The following PCDH9 variants were observed in gnomAD, a reference collection of about 807,000 sequenced individuals.
PCDH9 encodes protocadherin 9.
A neutral mutation model predicts 70.6 loss-of-function variants in PCDH9; 24 were observed. The observed-to-expected ratio is 0.34, with a 90% confidence interval of 0.25 to 0.48. PCDH9 has a LOEUF of 0.48. Ranked by LOEUF, PCDH9 falls within the 20% of genes least tolerant of loss-of-function variation. The pLI is 0.99. For synonymous variants in PCDH9, 562 were observed against 558.5 expected, an observed-to-expected ratio of 1.01 and a Z score of -0.09; for missense variants, 1,281 against 1,503.6, an observed-to-expected ratio of 0.85 and a Z score of 2.45.
intron 3 of PCDH9, among the ~76,000 whole-genome samples, chr13:66,721,354 T>C (rs1342377555): frequency 6.6e-6 from 1 of 152,196 alleles, no homozygotes; most frequent in Non-Finnish European, 1.5e-5. Flanking sequence ...AGCATGGACT[T>C]CATAATGTAC....
At chr13:66,658,992 G>C (rs189992460) in intron 3 of PCDH9, among the ~76,000 whole-genome samples, 2 of 152,182 alleles carry the variant, frequency 1.3e-5, no homozygotes, top group East Asian at 3.9e-4. Flanking sequence ...GTCATATTTT[G>C]TAAGTACAAT....
At position 66,745,030 on chromosome 13, in the gene PCDH9, T is replaced by C. The variant is rs1416710223; in HGVS notation, c.3139-113619A>G. On this transcript the variant is annotated intron_variant, in intron 3 of 4. Coordinates refer to ENST00000377865, the MANE Select transcript of PCDH9 (RefSeq NM_203487.3). ...GGATTCAAATTCAGTCTCCGTAACG[T>C]AGCTATATAAACTTAGCAATTTACT... Among the ~76,000 whole-genome samples, 6 of 152,292 alleles carry C rather than the reference T, an allele frequency of 3.9e-5. No individual in the cohort carries two copies. In the East Asian group the frequency reaches 1.2e-3, roughly 29 times the overall value.
At chr13:66,423,911 G>T (rs568207538) in intron 4 of PCDH9, among the ~76,000 whole-genome samples, 1 of 152,224 alleles carries the variant, frequency 6.6e-6, no homozygotes, top group South Asian at 2.1e-4. Flanking sequence ...TGATATGATT[G>T]TATATTTAGA....
At chr13:67,090,210 A>T (rs992236665) in intron 2 of PCDH9, among the ~76,000 whole-genome samples, 1 of 152,030 alleles carries the variant, frequency 6.6e-6, no homozygotes, top group African/African-American at 2.4e-5. Flanking sequence ...TTTCTCAAAT[A>T]TTAATATGTA....
At chr13:66,842,877 T>C (rs1341605693) in intron 3 of PCDH9, among the ~76,000 whole-genome samples, 2 of 152,130 alleles carry the variant, frequency 1.3e-5, no homozygotes, top group Non-Finnish European at 2.9e-5. Context: ...CTCAGATATA[T>C]AGGAAGGAAT....
intron 3 of PCDH9, among the ~76,000 whole-genome samples, chr13:66,838,664 A>G (rs920952260): frequency 4.6e-5 from 7 of 152,128 alleles, no homozygotes; most frequent in Non-Finnish European, 8.8e-5. Flanking sequence ...GCATTTTAAT[A>G]TTACAGTCGA....
chr13:66,928,313 A>G lies in PCDH9; in HGVS notation c.3037-24708T>C, dbSNP rs117443625. ...GGGTCATGATGATGAAGATGGTACT[A>G]ACTTCTAGCATGTATTTAGCACAAG... On this transcript the variant is annotated intron_variant, in intron 2 of 4. Coordinates refer to ENST00000377865, the MANE Select transcript of PCDH9 (RefSeq NM_203487.3). 7.5e-3 allele frequency among the ~76,000 whole-genome samples: 1,146 copies of G among 152,194 alleles called. 15 individuals are homozygous for G. Among genetic ancestry groups the G allele is most frequent in the Non-Finnish European group, 8.9e-3 (604 of 68,000 alleles).
rs1422992212 is a variant in PCDH9 at position 66,304,806 on chromosome 13, T to C, written c.3563A>G (p.Asn1188Ser). ...TLTRAWKEDS[N>S]RNQFNDRKQY... ...CTTACGGTCATTGAACTGGTTCCTG[T>C]TGCTGTCTTCTTTCCAGGCTCTGGT... is the stretch of plus-strand genomic sequence containing the variant. The change falls in exon 5 of 5, where the codon AAC (asparagine) becomes AGC (serine). Residue 1188 changes from asparagine (N) to serine (S), a missense_variant. This residue lies in a region of PCDH9 where 264 missense variants were observed against 278.8 expected (regional missense o/e 0.95). Coordinates refer to ENST00000377865, the MANE Select transcript of PCDH9 (RefSeq NM_203487.3). 1.9e-6 allele frequency: 3 copies of C among 1,613,434 alleles called. No homozygotes were observed. Among genetic ancestry groups the C allele is most frequent in the Non-Finnish European group, 1.7e-6 (2 of 1,179,752 alleles).
chr13:67,038,140 A>C (rs907985283), intron 2 of PCDH9, among the ~76,000 whole-genome samples: 3 of 152,210 alleles, frequency 2.0e-5, no homozygotes, highest in Non-Finnish European at 4.4e-5. Flanking sequence ...TGATGTAAAT[A>C]ACAGTTCATA....
At chr13:66,898,289 G>T (rs2139585821) in intron 3 of PCDH9, among the ~76,000 whole-genome samples, 1 of 152,032 alleles carries the variant, frequency 6.6e-6, no homozygotes, top group East Asian at 1.9e-4. Context: ...ACATATATGT[G>T]TGTGTATATG....
intron 4 of PCDH9, among the ~76,000 whole-genome samples, chr13:66,396,816 A>G (rs1957109682): frequency 1.3e-5 from 2 of 152,326 alleles, no homozygotes. Flanking sequence ...CTTTCAGTTG[A>G]GTACAGTATT....
chr13:66,763,166 AT>A (rs2079655597), intron 3 of PCDH9, among the ~76,000 whole-genome samples: 2 of 129,012 alleles, frequency 1.6e-5, no homozygotes, highest in South Asian at 4.8e-4. Context: ...GTATTTACAA[AT>A]ATATATATGA....
intron 3 of PCDH9, among the ~76,000 whole-genome samples, chr13:66,748,354 A>G (rs2079405194): frequency 6.6e-6 from 1 of 152,182 alleles, no homozygotes; most frequent in African/African-American, 2.4e-5. Context: ...CAAAAGTCTG[A>G]TTCATTCTTG....
intron 2 of PCDH9, chr13:67,218,402 A>G (rs1386996577): frequency 6.6e-6 from 1 of 152,140 alleles, no homozygotes; most frequent in Non-Finnish European, 1.5e-5. Context: ...ATATCAGCTC[A>G]ATGACAATTC....
intron 3 of PCDH9, among the ~76,000 whole-genome samples, chr13:66,779,501 G>A (rs148825556): frequency 6.6e-5 from 10 of 152,170 alleles, no homozygotes; most frequent in Non-Finnish European, 1.3e-4. Context: ...TATATTGCAC[G>A]ATCTCACTTA....
chr13:66,610,906 T>C (rs1593774665), intron 4 of PCDH9, among the ~76,000 whole-genome samples: 1 of 152,206 alleles, frequency 6.6e-6, no homozygotes, highest in Non-Finnish European at 1.5e-5. Context: ...AGTTTCACAA[T>C]TGTCAGACTG....
At chr13:67,065,848 C>T (rs1338805510) in intron 2 of PCDH9, among the ~76,000 whole-genome samples, 1 of 151,964 alleles carries the variant, frequency 6.6e-6, no homozygotes, top group Admixed American at 6.6e-5. Context: ...TAAGACTATG[C>T]TTAAAAGTCA....
At chr13:66,874,726 C>T (rs1439448867) in intron 3 of PCDH9, among the ~76,000 whole-genome samples, 2 of 152,064 alleles carry the variant, frequency 1.3e-5, no homozygotes, top group Non-Finnish European at 2.9e-5. Context: ...TGAAACAGTA[C>T]ATAATTCTCA....
At chr13:66,495,912 C>T (rs775723794) in intron 4 of PCDH9, among the ~76,000 whole-genome samples, 9 of 152,294 alleles carry the variant, frequency 5.9e-5, no homozygotes, top group Non-Finnish European at 1.3e-4. Flanking sequence ...ATCTTTGTGA[C>T]TGAGTTTCCT....
Sources: allele counts gnomAD v4.1 joint callset (sites outside exome capture counted in the v4.1 genomes callset), GRCh38; gene constraint gnomAD v4.1.1; regional missense constraint gnomAD v4.1.1; transcripts MANE v1.5; gene names NCBI Gene and HGNC (gene_info 2026-07-23, HGNC 2026-07-21).